The following ABCD2 variants were observed in gnomAD, a reference collection of about 807,000 sequenced individuals.
The protein encoded by ABCD2 is ATP binding cassette subfamily D member 2, also known as ATP-binding cassette sub-family D member 2.
Under a neutral mutation model 70.9 loss-of-function variants are expected in ABCD2, and 36 were observed. The observed-to-expected ratio is 0.51, with a 90% CI of 0.39 to 0.67. ABCD2 has a LOEUF of 0.67. Among genes scored for constraint, ABCD2 ranks in the 30% least tolerant of loss-of-function variants. The pLI, the probability that ABCD2 is intolerant of heterozygous loss-of-function variation, is 0.00. For synonymous variants in ABCD2, 304 were observed against 306.9 expected, an observed-to-expected ratio of 0.99 and a Z score of 0.10; for missense variants, 729 against 890.2, an observed-to-expected ratio of 0.82 and a Z score of 2.30.
chr12:39,586,047 T>G lies in ABCD2; in HGVS notation c.1792+105A>C, dbSNP rs1432286842. ...CCATCTTTACACTTATGTGCTTATT[T>G]CCGATTATAGCATACATTCAAATTA... On this transcript the variant is annotated intron_variant, in intron 7 of 9. Coordinates refer to ENST00000308666, the MANE Select transcript of ABCD2 (RefSeq NM_005164.4). 21 of 1,048,140 alleles carry G rather than the reference T, an allele frequency of 2.0e-5. No homozygotes were observed. The East Asian group carries it at 5.4e-4, about 27-fold the overall frequency. The allele number at this position is 1,048,140 out of a possible 1,614,324, so 64.9% of individuals were successfully genotyped here.
chr12:39,571,421 A>G (rs1021122336), intron 9 of ABCD2, among the ~76,000 whole-genome samples: 2 of 152,324 alleles, frequency 1.3e-5, no homozygotes, highest in South Asian at 4.1e-4. Flanking sequence ...TTACAAAAAC[A>G]TGGAAGAACC....
At chr12:39,557,987 A>G (rs1227535259) in intron 9 of ABCD2, among the ~76,000 whole-genome samples, 1 of 152,196 alleles carries the variant, frequency 6.6e-6, no homozygotes, top group Non-Finnish European at 1.5e-5. Context: ...GAGGGCCACC[A>G]TCCCCCAGAC....
the ABCD2 span, among the ~76,000 whole-genome samples, chr12:39,543,302 C>A: frequency 1.3e-5 from 2 of 152,022 alleles, no homozygotes; most frequent in Non-Finnish European, 2.9e-5. Context: ...ACATTTGGAC[C>A]CTTGGTCATA....
In ABCD2 at chr12:39,552,452, A is replaced by T. The variant is rs1409195305; in HGVS notation, c.*1460T>A. On this transcript the variant is annotated 3_prime_UTR_variant, in exon 10 of 10. Transcript: ENST00000308666. ...CACAGGCAGCAAGAGATAAAGTTTC[A>T]GTCTTGGCTTTCCAGCTCCAGTGCA... 6.6e-6 allele frequency: 1 copy of T among 151,988 alleles called. No homozygotes were observed. Among genetic ancestry groups the T allele is most frequent in the East Asian group, 1.9e-4 (1 of 5,204 alleles). The allele number at this position is 151,988 out of a possible 1,614,324, so 9.4% of individuals were successfully genotyped here.
Position 39,619,050 on chromosome 12 carries a change from G to A in ABCD2, c.566C>T (p.Thr189Ile). 6.2e-7 allele frequency: 1 copy of A among 1,614,188 alleles called. No individual in the cohort carries two copies. Among genetic ancestry groups the A allele is most frequent in the South Asian group, 1.1e-5 (1 of 91,078 alleles). The part of the protein sequence containing the change: ...LVDHAYETYF[T>I]NQTYYKVINM... ...GATCACTTTATAATAAGTCTGATTT[G>A]TAAAATAGGTTTCATAGGCGTGGTC... Residue 189 changes from threonine to isoleucine, a missense_variant, in exon 1 of 10, where the codon ACA (threonine) becomes ATA (isoleucine). This residue lies in a region of ABCD2 where 245 missense variants were observed against 261.2 expected (regional missense o/e 0.94). Transcript: ENST00000308666.
At chr12:39,531,047 C>T in the ABCD2 span, among the ~76,000 whole-genome samples, 1 of 152,210 alleles carries the variant, frequency 6.6e-6, no homozygotes, top group Non-Finnish European at 1.5e-5. Flanking sequence ...ATCTTAATCA[C>T]ATATATTATC....
rs1000440591 is a variant in ABCD2 at position 39,552,109 on chromosome 12, G to A, written c.*1803C>T. On this transcript the variant is annotated 3_prime_UTR_variant, in exon 10 of 10. Transcript: ENST00000308666. Reference sequence around the variant, plus strand: ...CTAACAGGAAATATTAGTAACTGATGAATAAGTAGGTGATAATACTAATGA... The same window carrying A: ...CTAACAGGAAATATTAGTAACTGATAAATAAGTAGGTGATAATACTAATGA... The A allele has an allele frequency of 1.3e-5, 2 of 151,844 alleles. No individual in the cohort carries two copies. The highest frequency in any genetic ancestry group is 2.4e-5 in the African/African-American group (1 of 41,406). 9.4% of individuals were successfully genotyped at this position (151,844 alleles called of 1,614,324 possible).
rs1275100406 is a variant in ABCD2, at chr12:39,551,780, T to C, written c.*2132A>G. ...ATACTGACTAATTACAAATCTAATA[T>C]TTGTTTTGGCATTCTTTTCAATGTT... On this transcript the variant is annotated 3_prime_UTR_variant, in exon 10 of 10. Transcript: ENST00000308666. 1 of 151,822 alleles carries C rather than the reference T, an allele frequency of 6.6e-6. No individual in the cohort carries two copies. Among genetic ancestry groups the C allele is most frequent in the African/African-American group, 2.4e-5 (1 of 41,424 alleles). The allele number at this position is 151,822 out of a possible 1,614,324, so 9.4% of individuals were successfully genotyped here.
chr12:39,554,155 A>G (rs1380417930), intron 9 of ABCD2, 24 bp from the exon 10 acceptor site: 11 of 1,579,678 alleles, frequency 7.0e-6, no homozygotes, highest in Non-Finnish European at 6.9e-6. Context: ...ATGAAATAAT[A>G]TTATTAGCCA....
chr12:39,570,371 C>G (rs1282946492), intron 9 of ABCD2, among the ~76,000 whole-genome samples: 3 of 152,154 alleles, frequency 2.0e-5, no homozygotes, highest in Non-Finnish European at 4.4e-5. Context: ...CAGCATTGTA[C>G]TGACACAAAA....
At chr12:39,549,042 T>TA (rs1464165521), downstream of ABCD2, among the ~76,000 whole-genome samples, 3 of 152,018 alleles carry the variant, frequency 2.0e-5, no homozygotes, top group Admixed American at 1.3e-4. Flanking sequence ...ATACGAGACT[T>TA]ACCTTTGAAT....
At chr12:39,594,050 G>A (rs948067197) in intron 6 of ABCD2, among the ~76,000 whole-genome samples, 1 of 152,038 alleles carries the variant, frequency 6.6e-6, no homozygotes, top group African/African-American at 2.4e-5. Flanking sequence ...CATGTACATC[G>A]AGGATTATGA....
rs1446613774 is a variant in ABCD2 at position 39,553,986 on chromosome 12, GTC to G, written c.2147_2148del (p.Arg716ThrfsTer3). ...QLAGIPKMQQ[R>X]LNELCKILGE... ...CCCAAAATTTTACATAGTTCATTGA[GTC>G]TCTGCTGCATTTTGGGAATTCCAGC... On this transcript the variant is annotated frameshift_variant, in exon 10 of 10. Transcript: ENST00000308666. LOFTEE classifies it high-confidence loss of function. 1 of 1,613,286 alleles carries G rather than the reference GTC, an allele frequency of 6.2e-7. No homozygotes were observed. The highest frequency in any genetic ancestry group is 1.1e-5 in the South Asian group (1 of 91,074).
In ABCD2 at chr12:39,607,668, A is replaced by G. The variant is rs1941987355; in HGVS notation, c.1167T>C (p.Phe389=). 1 of 1,613,836 alleles carries G rather than the reference A, an allele frequency of 6.2e-7. No homozygotes were observed. ...QVMVSERTEA[F]TTARNLLASG... is the part of the protein sequence containing the mutation. ...AGGCCAGTAAATTTCGAGCAGTGGTAAAGGCTTCTGTCCGTTCACTAACCA... is the reference window on the plus strand; with the variant it reads ...AGGCCAGTAAATTTCGAGCAGTGGTGAAGGCTTCTGTCCGTTCACTAACCA... Residue 389 remains phenylalanine (F), a synonymous_variant, in exon 3 of 10, where the codon TTT becomes TTC. Coordinates refer to ENST00000308666, the MANE Select transcript of ABCD2 (RefSeq NM_005164.4).
intron 6 of ABCD2, among the ~76,000 whole-genome samples, chr12:39,590,341 A>G (rs955290030): frequency 6.6e-6 from 1 of 152,224 alleles, no homozygotes; most frequent in African/African-American, 2.4e-5. Context: ...ATCATGCAAC[A>G]TATCTAACAT....
chr12:39,607,304 G>A (rs542525726), intron 3 of ABCD2, among the ~76,000 whole-genome samples: 64 of 152,188 alleles, frequency 4.2e-4, no homozygotes, highest in African/African-American at 1.5e-3. Context: ...TTCATAAAAT[G>A]AAAATTTAGG....
At chr12:39,531,888 G>A in the ABCD2 span, among the ~76,000 whole-genome samples, 2 of 152,222 alleles carry the variant, frequency 1.3e-5, no homozygotes, top group East Asian at 1.9e-4. Context: ...TTGAAAAATC[G>A]CTGAACGTTA....
At chr12:39,582,161 G>T (rs1941604739) in intron 7 of ABCD2, among the ~76,000 whole-genome samples, 1 of 151,420 alleles carries the variant, frequency 6.6e-6, no homozygotes, top group Admixed American at 6.6e-5. Flanking sequence ...TTTCCCTGAA[G>T]TTTTTTTTTA....
At chr12:39,548,202 G>A (rs1372977438), downstream of ABCD2, among the ~76,000 whole-genome samples, 2 of 152,112 alleles carry the variant, frequency 1.3e-5, no homozygotes, top group Admixed American at 6.6e-5. Context: ...TATGATGCTA[G>A]ATGATTTTGC....
Sources: gnomAD v4.1 joint callset for allele counts (sites outside exome capture counted in the v4.1 genomes callset) on GRCh38, gnomAD v4.1.1 for gene constraint, gnomAD v4.1.1 regional missense constraint, MANE v1.5 for transcripts, NCBI Gene and HGNC (gene_info 2026-07-23, HGNC 2026-07-21) for gene names.